The following CAMKMT variants were observed in gnomAD, a reference collection of about 807,000 sequenced individuals.
The protein encoded by CAMKMT is calmodulin-lysine N-methyltransferase, also known as CaM KMT.
A neutral mutation model predicts 48.0 loss-of-function variants in CAMKMT; 53 were observed. The observed-to-expected ratio is 1.10, with a 90% CI of 0.89 to 1.39. CAMKMT has a LOEUF of 1.39. Among genes scored for constraint, CAMKMT ranks in the 40% most tolerant of loss-of-function variants. CAMKMT has a pLI of 0.00. For synonymous variants in CAMKMT, 165 were observed against 152.3 expected, an observed-to-expected ratio of 1.08 and a Z score of -0.61; for missense variants, 428 against 402.7, an observed-to-expected ratio of 1.06 and a Z score of -0.54.
chr2:44,701,995 T>G (rs1677285194), intron 3 of CAMKMT, among the ~76,000 whole-genome samples: 1 of 152,162 alleles, frequency 6.6e-6, no homozygotes, highest in Non-Finnish European at 1.5e-5. Flanking sequence ...GTTCTTTGTA[T>G]GTAATTTTGT....
intron 3 of CAMKMT, among the ~76,000 whole-genome samples, chr2:44,622,410 G>A (rs1441717499): frequency 5.9e-5 from 9 of 152,142 alleles, no homozygotes; most frequent in Non-Finnish European, 1.2e-4. Context: ...ATTGCATGAT[G>A]CTGAGGTTTG....
chr2:44,445,645 GTTT>G (rs869258613), intron 3 of CAMKMT, among the ~76,000 whole-genome samples: 25 of 101,418 alleles, frequency 2.5e-4, no homozygotes, highest in African/African-American at 5.5e-4. Flanking sequence ...CAAAAGGGTA[GTTT>G]TTTTTTTTTT....
Position 44,526,928 on chromosome 2 carries a change from T to A in CAMKMT, c.376+136623T>A, listed in dbSNP as rs77019457. On this transcript the variant is annotated intron_variant, in intron 3 of 10. Coordinates refer to ENST00000378494, the MANE Select transcript of CAMKMT (RefSeq NM_024766.5). ...CAATTAATCCCTTTAGGGTGTATAA[T>A]TTAGTGGTTTTTAGTATGTTCCTAA... 4.4e-3 allele frequency among the ~76,000 whole-genome samples: 677 copies of A among 152,156 alleles called. 5 individuals are homozygous for A. Among genetic ancestry groups the A allele is most frequent in the African/African-American group, 0.015 (635 of 41,486 alleles).
intron 1 of CAMKMT, among the ~76,000 whole-genome samples, chr2:44,372,124 C>T (rs7567491): frequency 0.039 from 5,937 of 152,208 alleles, 383 homozygotes; most frequent in African/African-American, 0.13. Flanking sequence ...AGAATTGACA[C>T]ATATCCCCAG....
At position 44,378,121 on chromosome 2, in the gene CAMKMT, G is replaced by A. The variant is rs573639067; in HGVS notation, c.311+5233G>A. ...GAGGTGATTATAGCAATAAAACAAC[G>A]TTTTTTAGGACCTTTAAAATATGAT... On this transcript the variant is annotated intron_variant, in intron 2 of 10. Coordinates refer to ENST00000378494, the MANE Select transcript of CAMKMT (RefSeq NM_024766.5). Among the ~76,000 whole-genome samples the A allele has an allele frequency of 9.9e-5, 15 of 152,222 alleles. No individual in the cohort carries two copies. The South Asian group carries it at 2.3e-3, about 23-fold the overall frequency.
At chr2:44,632,602 T>C (rs1672899287) in intron 3 of CAMKMT, among the ~76,000 whole-genome samples, 1 of 152,178 alleles carries the variant, frequency 6.6e-6, no homozygotes, top group South Asian at 2.1e-4. Context: ...TGATGGTTAA[T>C]ACGGAGTATC....
intron 3 of CAMKMT, among the ~76,000 whole-genome samples, chr2:44,526,969 T>G (rs1356898916): frequency 6.6e-6 from 1 of 151,928 alleles, no homozygotes; most frequent in African/African-American, 2.4e-5. Flanking sequence ...TGCAACCAGT[T>G]TTAAAACAAT....
rs1323710030 is a variant in CAMKMT at position 44,729,562 on chromosome 2, C to T, written c.624-14060C>T. On this transcript the variant is annotated intron_variant, in intron 7 of 10. Coordinates refer to ENST00000378494, the MANE Select transcript of CAMKMT (RefSeq NM_024766.5). ...AGGTCAGGCAGATTGCAAAGTAGTT[C>T]AGTGACTGTTGGAAGAAAGGTCATA... Among the ~76,000 whole-genome samples the T allele has an allele frequency of 3.9e-5, 6 of 152,108 alleles. No individual in the cohort carries two copies. The East Asian group carries it at 9.6e-4, about 24-fold the overall frequency.
At chr2:44,432,679 A>G (rs80091053) in intron 3 of CAMKMT, among the ~76,000 whole-genome samples, 2,293 of 152,292 alleles carry the variant, frequency 0.015, 35 homozygotes, top group Non-Finnish European at 0.019. Flanking sequence ...AGATAGAGGC[A>G]GAGCTAAGTC....
chr2:44,596,585 A>G (rs1670681843), intron 3 of CAMKMT, among the ~76,000 whole-genome samples: 1 of 152,190 alleles, frequency 6.6e-6, no homozygotes, highest in Non-Finnish European at 1.5e-5. Flanking sequence ...TAGTACACAC[A>G]TTTTAGAACC....
intron 2 of CAMKMT, among the ~76,000 whole-genome samples, chr2:44,377,550 A>G (rs1323036722): frequency 1.3e-5 from 2 of 152,162 alleles, no homozygotes; most frequent in Non-Finnish European, 2.9e-5. Context: ...ATATTCTGGA[A>G]GCTTTAAATT....
intron 3 of CAMKMT, among the ~76,000 whole-genome samples, chr2:44,510,655 T>A (rs1037114151): frequency 6.6e-6 from 1 of 152,200 alleles, no homozygotes; most frequent in South Asian, 2.1e-4. Context: ...ACATTCTTTT[T>A]AAAAAACTTC....
intron 3 of CAMKMT, among the ~76,000 whole-genome samples, chr2:44,416,764 A>G (rs931884125): frequency 6.6e-6 from 1 of 151,316 alleles, no homozygotes; most frequent in Admixed American, 6.6e-5. Flanking sequence ...TAGTAGGGAC[A>G]GGGTTTCACT....
intron 3 of CAMKMT, among the ~76,000 whole-genome samples, chr2:44,390,540 G>A (rs919714472): frequency 1.3e-5 from 2 of 151,260 alleles, no homozygotes; most frequent in African/African-American, 4.9e-5. Context: ...GGGGGGAGGT[G>A]GGGGAGGGAG....
chr2:44,569,396 A>G (rs1369264666), intron 3 of CAMKMT, among the ~76,000 whole-genome samples: 1 of 152,182 alleles, frequency 6.6e-6, no homozygotes, highest in African/African-American at 2.4e-5. Context: ...CCAATGGAAT[A>G]TATTCATTGC....
At chr2:44,594,020 C>G (rs1318705886) in intron 3 of CAMKMT, among the ~76,000 whole-genome samples, 4 of 152,054 alleles carry the variant, frequency 2.6e-5, no homozygotes, top group Admixed American at 2.0e-4. Context: ...ACCTCAGCCT[C>G]CAAAAGTGCT....
intron 3 of CAMKMT, among the ~76,000 whole-genome samples, chr2:44,457,556 G>T (rs1667632488): frequency 1.3e-5 from 2 of 151,812 alleles, no homozygotes; most frequent in South Asian, 2.1e-4. Flanking sequence ...GTGTCACCAC[G>T]CCCGGCTAAT....
chr2:44,721,702 G>C (rs1306389564), intron 7 of CAMKMT, among the ~76,000 whole-genome samples: 2 of 152,172 alleles, frequency 1.3e-5, no homozygotes, highest in Non-Finnish European at 1.5e-5. Flanking sequence ...AGATGTGCTG[G>C]TTCACACCTA....
chr2:44,401,800 CCTT>C (rs1194481341), intron 3 of CAMKMT, among the ~76,000 whole-genome samples: 1 of 151,992 alleles, frequency 6.6e-6, no homozygotes, highest in Non-Finnish European at 1.5e-5. Flanking sequence ...TTTTCTGAAG[CCTT>C]CTGATGTCTT....
Sources: allele counts gnomAD v4.1 joint callset (sites outside exome capture counted in the v4.1 genomes callset), GRCh38; gene constraint gnomAD v4.1.1; transcripts MANE v1.5; gene names NCBI Gene and HGNC (gene_info 2026-07-23, HGNC 2026-07-21).